The following ACOT11 variants were observed in gnomAD, a reference collection of about 807,000 sequenced individuals.
ACOT11 encodes acyl-coenzyme A thioesterase 11.
Under a neutral mutation model 77.5 loss-of-function variants are expected in ACOT11, and 69 were observed. That is an observed-to-expected ratio of 0.89 (90% CI 0.73 to 1.09). The LOEUF is 1.09. Ranked by LOEUF, ACOT11 falls within the 50% of genes least tolerant of loss-of-function variation. ACOT11 has a pLI of 0.00. For missense variants in ACOT11, 766 were observed against 813.7 expected (o/e 0.94, Z 0.71); for synonymous variants, 279 against 313.0 (o/e 0.89, Z 1.15).
chr1:54,594,342 G>A (rs1428764181), intron 5 of ACOT11, among the ~76,000 whole-genome samples: 3 of 152,236 alleles, frequency 2.0e-5, no homozygotes, highest in South Asian at 2.1e-4. Flanking sequence ...CTTTGGCCAA[G>A]GAAGGGACCT....
exon 17 of ACOT11, chr1:54,636,379 A>C (rs547870701): frequency 2.0e-5 from 3 of 152,366 alleles, no homozygotes; most frequent in East Asian, 1.9e-4. Flanking sequence ...AGGTCTCTGC[A>C]TCATAAACAA....
intron 9 of ACOT11, among the ~76,000 whole-genome samples, chr1:54,601,622 G>A (rs773563407): frequency 5.3e-5 from 8 of 152,198 alleles, no homozygotes; most frequent in Admixed American, 6.5e-5. Context: ...GACAGAACTC[G>A]GAGTATGTGT....
At chr1:54,614,067 C>T (rs922090040), downstream of ACOT11, among the ~76,000 whole-genome samples, 4 of 152,222 alleles carry the variant, frequency 2.6e-5, no homozygotes, top group Non-Finnish European at 5.9e-5. Flanking sequence ...TAATAAACTT[C>T]GAACAAATTG....
Position 54,609,745 on chromosome 1 carries a change from C to G in ACOT11, c.*633C>G, listed in dbSNP as rs755430680. 1.2e-6 allele frequency: 2 copies of G among 1,614,202 alleles called. No individual in the cohort carries two copies. The highest frequency in any genetic ancestry group is 2.2e-5 in the South Asian group (2 of 91,092). ...GGCCAAGGCTGGAGAGGCGTGCCAG[C>G]AAGGCCAGGGATGGCCGGAGGGCTG... On this transcript the variant is annotated 3_prime_UTR_variant, in exon 16 of 16. Coordinates refer to ENST00000343744, the MANE Select transcript of ACOT11 (RefSeq NM_147161.4).
rs1452652775 is a variant in ACOT11 at position 54,558,808 on chromosome 1, T to G, written c.33+10466T>G. ...GGGGGTCCAGGCCTTGTAGGCTGAG[T>G]TTGGGCTTTCGAGCGCTGTGGGTCA... On this transcript the variant is annotated intron_variant, in intron 1 of 15. Coordinates refer to ENST00000343744, the MANE Select transcript of ACOT11 (RefSeq NM_147161.4). 2.6e-5 allele frequency among the ~76,000 whole-genome samples: 4 copies of G among 152,122 alleles called. No homozygotes were observed. The East Asian group carries it at 7.7e-4, about 29-fold the overall frequency.
chr1:54,595,531 A>G (rs889348423), intron 6 of ACOT11, among the ~76,000 whole-genome samples: 2 of 152,198 alleles, frequency 1.3e-5, no homozygotes, highest in African/African-American at 4.8e-5. Flanking sequence ...CCCCAGAAGC[A>G]TCTACTATTA....
chr1:54,630,627 T>TA, intron 15 of ACOT11: 1 of 535,972 alleles, frequency 1.9e-6, no homozygotes, highest in South Asian at 2.8e-5. Context: ...TGTTAATAAA[T>TA]ACGTGGATAA....
intron 4 of ACOT11, among the ~76,000 whole-genome samples, chr1:54,593,504 T>C (rs1489863238): frequency 6.7e-6 from 1 of 149,516 alleles, no homozygotes; most frequent in Non-Finnish European, 1.5e-5. Context: ...CTCACTGTGT[T>C]GCCCTGGCTT....
intron 1 of ACOT11, among the ~76,000 whole-genome samples, chr1:54,560,813 C>T (rs2873532): frequency 0.17 from 25,359 of 152,140 alleles, 2,602 homozygotes; most frequent in Middle Eastern, 0.25. Flanking sequence ...CCTCCGCCTC[C>T]TGGGTTCAAG....
intron 1 of ACOT11, among the ~76,000 whole-genome samples, chr1:54,571,454 C>T (rs12057577): frequency 1.5e-3 from 226 of 152,164 alleles, no homozygotes; most frequent in African/African-American, 5.1e-3. Context: ...TGGATGGTGC[C>T]GCGTAGAGAG....
intron 4 of ACOT11, 61 bp from the exon 5 acceptor site, chr1:54,593,880 G>A: frequency 1.4e-6 from 2 of 1,415,368 alleles, no homozygotes; most frequent in Non-Finnish European, 9.9e-7. Context: ...GAGCTGCGGG[G>A]CTTCTAACTG....
chr1:54,588,068 G>T (rs111555936), intron 3 of ACOT11, among the ~76,000 whole-genome samples: 73 of 152,116 alleles, frequency 4.8e-4, no homozygotes, highest in Middle Eastern at 6.8e-3. Flanking sequence ...GCTAGGCATG[G>T]TGATATACGC....
intron 1 of ACOT11, among the ~76,000 whole-genome samples, chr1:54,556,391 A>G (rs111969218): frequency 0.056 from 8,591 of 152,108 alleles, 814 homozygotes; most frequent in African/African-American, 0.2. Context: ...GTGGTTCCAT[A>G]TGAATTTTAG....
intron 15 of ACOT11, among the ~76,000 whole-genome samples, chr1:54,626,185 G>A (rs1443600352): frequency 6.6e-6 from 1 of 151,840 alleles, no homozygotes; most frequent in African/African-American, 2.4e-5. Context: ...CAGGAGAATC[G>A]CTTGAACTTG....
intron 1 of ACOT11, chr1:54,573,270 A>G (rs1389368683): frequency 2.0e-6 from 2 of 983,686 alleles, no homozygotes; most frequent in Non-Finnish European, 1.2e-6. Flanking sequence ...TGCGGTAAGC[A>G]GACTTGGGTT....
chr1:54,574,982 C>T (rs1489825032), intron 1 of ACOT11, among the ~76,000 whole-genome samples: 1 of 152,182 alleles, frequency 6.6e-6, no homozygotes, highest in African/African-American at 2.4e-5. Flanking sequence ...GAGTGCTTGT[C>T]TTTCTTTAAC....
intron 4 of ACOT11, among the ~76,000 whole-genome samples, chr1:54,593,017 C>T (rs1569731188): frequency 1.3e-5 from 2 of 152,202 alleles, no homozygotes; most frequent in South Asian, 2.1e-4. Context: ...TTGCCTCCCA[C>T]AGCCCGTCTC....
chr1:54,609,667 CGAAA>C lies in ACOT11; in HGVS notation c.*556_*559del. 2 of 1,613,942 alleles carry C rather than the reference CGAAA, an allele frequency of 1.2e-6. No individual in the cohort carries two copies. Among genetic ancestry groups the C allele is most frequent in the Non-Finnish European group, 1.7e-6 (2 of 1,180,034 alleles). ...CTCTGCCAGCCACATGGCCGGGGACCGAAAAACTCCCGTGGGAGATTTTGGCCCC... is the reference window on the plus strand; with the variant it reads ...CTCTGCCAGCCACATGGCCGGGGACCAACTCCCGTGGGAGATTTTGGCCCC... On this transcript the variant is annotated 3_prime_UTR_variant, in exon 16 of 16. Coordinates refer to ENST00000343744, the MANE Select transcript of ACOT11 (RefSeq NM_147161.4).
At chr1:54,612,377 A>AT, downstream of ACOT11, 1 of 745,636 alleles carries the variant, frequency 1.3e-6, no homozygotes, top group Non-Finnish European at 2.2e-6. Context: ...GAGCACTGGC[A>AT]GGGGTTGGAC....
Sources: gnomAD v4.1 joint callset for allele counts (sites outside exome capture counted in the v4.1 genomes callset) on GRCh38, gnomAD v4.1.1 for gene constraint, MANE v1.5 for transcripts, NCBI Gene and HGNC (gene_info 2026-07-23, HGNC 2026-07-21) for gene names.